The following TPST1 variants were observed in gnomAD, a reference collection of about 807,000 sequenced individuals.
TPST1 encodes the protein tyrosylprotein sulfotransferase 1.
Under a neutral mutation model 34.8 loss-of-function variants are expected in TPST1, and 20 were observed. The observed-to-expected ratio is 0.57, with a 90% CI of 0.40 to 0.84. The LOEUF is 0.84. Ranked by LOEUF, TPST1 falls within the 40% of genes least tolerant of loss-of-function variation. The pLI is 0.00. For missense variants in TPST1, 353 were observed against 455.5 expected, an observed-to-expected ratio of 0.78 and a Z score of 2.05; for synonymous variants, 152 against 159.4, an observed-to-expected ratio of 0.95 and a Z score of 0.35.
At chr7:66,352,154 G>A (rs1363840960) in intron 3 of TPST1, among the ~76,000 whole-genome samples, 1 of 152,184 alleles carries the variant, frequency 6.6e-6, no homozygotes, top group African/African-American at 2.4e-5. Context: ...AACTGCGTGA[G>A]TTCTGTGTTG....
chr7:66,258,679 A>G (rs779281345), intron 2 of TPST1, among the ~76,000 whole-genome samples: 1 of 152,140 alleles, frequency 6.6e-6, no homozygotes, highest in Non-Finnish European at 1.5e-5. Flanking sequence ...GCTGCCTGCG[A>G]TGCGTTTCTG....
intron 4 of TPST1, 111 bp from the exon 5 acceptor site, chr7:66,356,714 T>A (rs1792589444): frequency 8.1e-7 from 1 of 1,229,662 alleles, no homozygotes; most frequent in South Asian, 1.3e-5. Context: ...ACTGAGTTCA[T>A]CTGAAAGTGA....
chr7:66,219,343 T>G (rs1005403196), intron 1 of TPST1, among the ~76,000 whole-genome samples: 3 of 152,290 alleles, frequency 2.0e-5, no homozygotes, highest in Admixed American at 6.5e-5. Flanking sequence ...GTGACTAGGC[T>G]AAAGCAAAAC....
chr7:66,331,855 T>C (rs1792000820), intron 3 of TPST1, among the ~76,000 whole-genome samples: 1 of 152,174 alleles, frequency 6.6e-6, no homozygotes, highest in African/African-American at 2.4e-5. Context: ...CAAATGGCAT[T>C]AGATTCTCAT....
chr7:66,313,724 A>G (rs2116140782), intron 3 of TPST1, among the ~76,000 whole-genome samples: 1 of 152,298 alleles, frequency 6.6e-6, no homozygotes, highest in African/African-American at 2.4e-5. Flanking sequence ...ACTTACAGAA[A>G]GGCTGTAAGA....
chr7:66,309,317 C>G (rs1791484313), intron 3 of TPST1, among the ~76,000 whole-genome samples: 1 of 152,132 alleles, frequency 6.6e-6, no homozygotes, highest in Non-Finnish European at 1.5e-5. Context: ...AGAGTTATTC[C>G]CTGATTACTC....
At chr7:66,215,881 T>C (rs1789395844) in intron 1 of TPST1, among the ~76,000 whole-genome samples, 1 of 150,328 alleles carries the variant, frequency 6.7e-6, no homozygotes, top group South Asian at 2.1e-4. Context: ...CACGCCATTC[T>C]CCTGCCTCGG....
rs116946195 is a variant in TPST1 at position 66,311,809 on chromosome 7, G to A, written c.1044+25100G>A. On this transcript the variant is annotated intron_variant, in intron 3 of 5. Coordinates refer to ENST00000304842, the MANE Select transcript of TPST1 (RefSeq NM_003596.4). The stretch of plus-strand genomic sequence containing the variant: ...AAACCTAAAAATTTGTCCACAGGAC[G>A]AGGCTGAAAGTCTGAGACTACCCCA... Among the ~76,000 whole-genome samples the A allele has an allele frequency of 9.9e-3, 1,508 of 152,328 alleles. 12 individuals are homozygous for A. Among genetic ancestry groups the A allele is most frequent in the Non-Finnish European group, 0.016 (1,080 of 68,026 alleles).
intron 2 of TPST1, among the ~76,000 whole-genome samples, chr7:66,264,738 A>T (rs1336934180): frequency 6.6e-6 from 1 of 152,232 alleles, no homozygotes; most frequent in Non-Finnish European, 1.5e-5. Flanking sequence ...TAAAATGTCT[A>T]GTGTTTAACA....
intron 1 of TPST1, among the ~76,000 whole-genome samples, chr7:66,213,743 C>CAAA: frequency 1.0e-5 from 1 of 96,560 alleles, no homozygotes; most frequent in Admixed American, 1.1e-4. Flanking sequence ...GACTCCATCT[C>CAAA]AAAAAAAAAA....
At chr7:66,242,960 T>G (rs78357078) in intron 2 of TPST1, among the ~76,000 whole-genome samples, 1 of 152,196 alleles carries the variant, frequency 6.6e-6, no homozygotes, top group Non-Finnish European at 1.5e-5. Context: ...TTTCAAAAAT[T>G]AACATGTCAC....
At chr7:66,337,142 A>C (rs1276112073) in intron 3 of TPST1, among the ~76,000 whole-genome samples, 1 of 152,162 alleles carries the variant, frequency 6.6e-6, no homozygotes, top group Admixed American at 6.5e-5. Flanking sequence ...GAAGGATGCT[A>C]ATGGGTAAAA....
chr7:66,281,415 C>G (rs1014523052), intron 2 of TPST1, among the ~76,000 whole-genome samples: 6 of 152,110 alleles, frequency 3.9e-5, no homozygotes, highest in Non-Finnish European at 8.8e-5. Flanking sequence ...ACAAGGTCTT[C>G]TTTATACATC....
chr7:66,208,749 G>T (rs374854535), intron 1 of TPST1, among the ~76,000 whole-genome samples: 1 of 152,110 alleles, frequency 6.6e-6, no homozygotes, highest in Admixed American at 6.5e-5. Context: ...GATTACAGGC[G>T]TGAGCCACTG....
chr7:66,315,111 T>A (rs1791606520), intron 3 of TPST1, among the ~76,000 whole-genome samples: 2 of 152,164 alleles, frequency 1.3e-5, no homozygotes, highest in Non-Finnish European at 1.5e-5. Context: ...GTTATGATAA[T>A]GAAAAGAAAC....
intron 3 of TPST1, among the ~76,000 whole-genome samples, chr7:66,302,004 C>T (rs956629242): frequency 1.3e-5 from 2 of 152,206 alleles, no homozygotes; most frequent in African/African-American, 4.8e-5. Flanking sequence ...TGCCTGTACT[C>T]ATTTGCTTCT....
At chr7:66,244,670 C>G (rs551204968) in intron 2 of TPST1, among the ~76,000 whole-genome samples, 8 of 152,154 alleles carry the variant, frequency 5.3e-5, no homozygotes, top group Non-Finnish European at 1.2e-4. Flanking sequence ...TGGGAAGTTA[C>G]AAGAGCGTAC....
chr7:66,358,323 CTTTG>C (rs142412148), intron 5 of TPST1, among the ~76,000 whole-genome samples: 134 of 149,554 alleles, frequency 9.0e-4, no homozygotes, highest in Admixed American at 2.7e-3. Context: ...ACTTGCTGAC[CTTTG>C]TTTTTTTTTT....
Position 66,236,042 on chromosome 7 carries a change from T to C in TPST1, c.-101-4283T>C, listed in dbSNP as rs369718324. Among the ~76,000 whole-genome samples, 257 of 152,188 alleles carry C rather than the reference T, an allele frequency of 1.7e-3. 11 individuals are homozygous for C. The South Asian group carries it at 0.052, about 31-fold the overall frequency. On this transcript the variant is annotated intron_variant, in intron 1 of 5. Coordinates refer to ENST00000304842, the MANE Select transcript of TPST1 (RefSeq NM_003596.4). ...TATAAATTACACTTCAATACAGCTTTTTTTTAAAAAAAGGAATTCATTACT... is the reference window on the plus strand; with the variant it reads ...TATAAATTACACTTCAATACAGCTTCTTTTTAAAAAAAGGAATTCATTACT...
Sources: allele counts gnomAD v4.1 joint callset (sites outside exome capture counted in the v4.1 genomes callset), GRCh38; gene constraint gnomAD v4.1.1; transcripts MANE v1.5; gene names NCBI Gene and HGNC (gene_info 2026-07-23, HGNC 2026-07-21).